The following CLASP2 variants were observed in gnomAD, a reference collection of about 807,000 sequenced individuals.
The protein encoded by CLASP2 is CLIP-associating protein 2.
CLASP2 carries 47 observed loss-of-function variants against 194.4 expected under a neutral mutation model. The ratio of observed to expected loss-of-function variants is 0.24; its 90% CI spans 0.19 to 0.31. CLASP2 has a LOEUF of 0.31. Among genes scored for constraint, CLASP2 ranks in the 10% least tolerant of loss-of-function variants. The probability of loss-of-function intolerance (pLI) is 1.00; values close to 1 mark genes in which losing one functional copy is unlikely to be tolerated. For synonymous variants in CLASP2, 619 were observed against 633.5 expected (o/e 0.98, Z 0.34); for missense variants, 1,445 against 1,823.6 (o/e 0.79, Z 3.78).
At chr3:33,665,112 AAAAG>A (rs1465238477) in intron 6 of CLASP2, among the ~76,000 whole-genome samples, 29 of 152,206 alleles carry the variant, frequency 1.9e-4, no homozygotes, top group Non-Finnish European at 2.5e-4. Context: ...CAAAAAAAAA[AAAAG>A]AAAGAAAGAA....
intron 34 of CLASP2, among the ~76,000 whole-genome samples, chr3:33,529,137 A>G (rs2055457536): frequency 6.6e-6 from 1 of 152,204 alleles, no homozygotes; most frequent in Non-Finnish European, 1.5e-5. Context: ...GAGCTCTACA[A>G]TGAGAATTAC....
At chr3:33,700,382 G>C (rs1361719728) in intron 1 of CLASP2, among the ~76,000 whole-genome samples, 4 of 152,132 alleles carry the variant, frequency 2.6e-5, no homozygotes, top group Non-Finnish European at 4.4e-5. Context: ...AGCTGAGATT[G>C]TGTCACTGCA....
intron 24 of CLASP2, among the ~76,000 whole-genome samples, chr3:33,575,852 TA>T (rs2064760886): frequency 6.6e-6 from 1 of 152,158 alleles, no homozygotes; most frequent in Admixed American, 6.5e-5. Context: ...GAGTTGAAAT[TA>T]CATGATTTTA....
At chr3:33,585,428 G>A (rs1021345415) in intron 21 of CLASP2, among the ~76,000 whole-genome samples, 1 of 152,072 alleles carries the variant, frequency 6.6e-6, no homozygotes, top group East Asian at 1.9e-4. Flanking sequence ...GATCTATATG[G>A]TATATAGCTT....
intron 7 of CLASP2, chr3:33,658,841 T>A (rs147786699): frequency 1.3e-6 from 1 of 762,646 alleles, no homozygotes; most frequent in African/African-American, 1.7e-5. Flanking sequence ...TACACACAAG[T>A]GTACACACAT....
chr3:33,551,938 AGTT>A (rs1243167963), intron 29 of CLASP2, among the ~76,000 whole-genome samples: 1 of 148,852 alleles, frequency 6.7e-6, no homozygotes, highest in Non-Finnish European at 1.5e-5. Flanking sequence ...TGGGCAATAT[AGTT>A]TTTTTTTTTT....
chr3:33,619,174 A>G (rs990989085), intron 12 of CLASP2, among the ~76,000 whole-genome samples: 1 of 152,216 alleles, frequency 6.6e-6, no homozygotes, highest in Non-Finnish European at 1.5e-5. Context: ...AAGGTACAGT[A>G]AAAATATAAT....
chr3:33,700,566 C>T (rs2092304977), intron 1 of CLASP2, among the ~76,000 whole-genome samples: 1 of 151,886 alleles, frequency 6.6e-6, no homozygotes, highest in African/African-American at 2.4e-5. Context: ...CAATTGTGGG[C>T]CAGGTGCGGT....
intron 12 of CLASP2, among the ~76,000 whole-genome samples, chr3:33,617,025 C>G (rs760534807): frequency 2.0e-5 from 3 of 150,620 alleles, no homozygotes; most frequent in Non-Finnish European, 4.4e-5. Context: ...CCACCATGCC[C>G]AGCCTCTATA....
intron 1 of CLASP2, among the ~76,000 whole-genome samples, chr3:33,698,901 T>C (rs764241749): frequency 2.6e-5 from 4 of 152,124 alleles, no homozygotes; most frequent in Non-Finnish European, 4.4e-5. Flanking sequence ...ACAAAATACA[T>C]AGATAATCTG....
At chr3:33,617,157 C>T (rs150409979) in intron 12 of CLASP2, among the ~76,000 whole-genome samples, 159 of 147,730 alleles carry the variant, frequency 1.1e-3, no homozygotes, top group African/African-American at 3.4e-3. Flanking sequence ...ATATAAAATA[C>T]GAAAATTAGC....
chr3:33,559,665 C>A (rs1021327443), intron 28 of CLASP2, among the ~76,000 whole-genome samples: 12 of 152,154 alleles, frequency 7.9e-5, no homozygotes, highest in Non-Finnish European at 1.6e-4. Context: ...GAGGCTGAGG[C>A]GGGCGGATCA....
At position 33,506,690 on chromosome 3, in the gene CLASP2, C is replaced by A. The variant is rs1022339607; in HGVS notation, c.4317+3868G>T. Among the ~76,000 whole-genome samples, 5 of 152,192 alleles carry A rather than the reference C, an allele frequency of 3.3e-5. No homozygotes were observed. The East Asian group carries it at 5.8e-4, about 18-fold the overall frequency. ...ATGGTGTGAGGTAGGGGTTCAACTT[C>A]ATTGTTTTTCATGTGGAAACCCAGT... is the stretch of plus-strand genomic sequence containing the variant. On this transcript the variant is annotated intron_variant, in intron 37 of 38. Coordinates refer to ENST00000682230, the MANE Select transcript of CLASP2 (RefSeq NM_001365631.1).
At chr3:33,604,043 C>G (rs574200911) in intron 17 of CLASP2, 111 bp downstream of exon 17, 12 of 761,732 alleles carry the variant, frequency 1.6e-5, no homozygotes, top group Non-Finnish European at 2.0e-5. Flanking sequence ...ATGTGTGGTA[C>G]TGAGTTACCA....
intron 6 of CLASP2, 145 bp from the exon 7 acceptor site, chr3:33,663,660 A>G: frequency 3.3e-6 from 2 of 604,636 alleles, no homozygotes; most frequent in Non-Finnish European, 5.8e-6. Context: ...CAATTAACGC[A>G]CTGAAAGAAG....
chr3:33,526,665 A>T (rs1174600364), intron 34 of CLASP2, among the ~76,000 whole-genome samples: 2 of 152,224 alleles, frequency 1.3e-5, no homozygotes, highest in African/African-American at 2.4e-5. Context: ...ACCCCAAACC[A>T]ACAGAATATA....
intron 2 of CLASP2, among the ~76,000 whole-genome samples, chr3:33,691,232 T>C (rs1221936707): frequency 1.3e-5 from 2 of 152,094 alleles, no homozygotes; most frequent in African/African-American, 4.8e-5. Flanking sequence ...CTTTTCTTTC[T>C]CTGAATCAAC....
chr3:33,557,608 A>G (rs1342350115), intron 29 of CLASP2, among the ~76,000 whole-genome samples: 2 of 152,082 alleles, frequency 1.3e-5, no homozygotes, highest in Non-Finnish European at 2.9e-5. Context: ...ATTACTGTTT[A>G]GAGTTTATTA....
At chr3:33,528,041 C>G (rs2055101561) in intron 34 of CLASP2, among the ~76,000 whole-genome samples, 1 of 152,112 alleles carries the variant, frequency 6.6e-6, no homozygotes, top group Non-Finnish European at 1.5e-5. Context: ...GCAAAATCCT[C>G]AAGAAAATAC....
Sources: gnomAD v4.1 joint callset for allele counts (sites outside exome capture counted in the v4.1 genomes callset) on GRCh38, gnomAD v4.1.1 for gene constraint, MANE v1.5 for transcripts, NCBI Gene and HGNC (gene_info 2026-07-23, HGNC 2026-07-21) for gene names.